The following TNRC6B variants were observed in gnomAD, a reference collection of about 807,000 sequenced individuals.
TNRC6B encodes trinucleotide repeat containing adaptor 6B, also known as trinucleotide repeat-containing gene 6B protein.
TNRC6B carries 52 observed loss-of-function variants against 203.6 expected under a neutral mutation model. That is an observed-to-expected ratio of 0.26 (90% CI 0.20 to 0.32). The LOEUF (loss-of-function observed/expected upper bound fraction) is 0.32. Ranked by LOEUF, TNRC6B falls within the 10% of genes least tolerant of loss-of-function variation. TNRC6B has a pLI of 1.00. For missense variants in TNRC6B, 1,923 were observed against 2,286.2 expected (o/e 0.84, Z 3.24); for synonymous variants, 838 against 845.7 (o/e 0.99, Z 0.16).
intron 3 of TNRC6B, among the ~76,000 whole-genome samples, chr22:40,143,461 A>G (rs182869165): frequency 3.9e-4 from 60 of 151,966 alleles, no homozygotes; most frequent in African/African-American, 1.4e-3. Flanking sequence ...AATATGGAAA[A>G]CTATAGATTG....
At chr22:40,124,039 T>C (rs2068466811) in intron 2 of TNRC6B, among the ~76,000 whole-genome samples, 1 of 152,112 alleles carries the variant, frequency 6.6e-6, no homozygotes, top group Non-Finnish European at 1.5e-5. Flanking sequence ...AGCAAGTGAA[T>C]GGATATCAAT....
chr22:40,205,152 G>A (rs1009195815), intron 1 of TNRC6B, among the ~76,000 whole-genome samples: 1 of 152,218 alleles, frequency 6.6e-6, no homozygotes, highest in South Asian at 2.1e-4. Flanking sequence ...GGAGTGTGCT[G>A]AGTTCCCACC....
intron 1 of TNRC6B, among the ~76,000 whole-genome samples, chr22:40,057,602 G>T (rs1172531963): frequency 6.6e-6 from 1 of 152,094 alleles, no homozygotes. Flanking sequence ...TTTCATAATG[G>T]TGTTTTGGCA....
chr22:40,303,645 CT>C (rs1441314971), intron 15 of TNRC6B, among the ~76,000 whole-genome samples: 2 of 152,140 alleles, frequency 1.3e-5, no homozygotes, highest in Non-Finnish European at 2.9e-5. Context: ...GGCACAGTGG[CT>C]CACACCTGTA....
Position 40,265,075 on chromosome 22 carries a change from G to C in TNRC6B, c.845G>C (p.Gly282Ala). ...NSTTENNNGL[G>A]NWRNVSGQDR... is the part of the protein sequence containing the mutation. Reference sequence around the variant, plus strand: ...ACTACAGAGAACAACAATGGACTAGGAAATTGGAGGAATGTGAGTGGTCAG... The same window carrying C: ...ACTACAGAGAACAACAATGGACTAGCAAATTGGAGGAATGTGAGTGGTCAG... Residue 282 changes from glycine to alanine, a missense_variant, in exon 5 of 23, where the codon GGA (glycine) becomes GCA (alanine). Physicochemically the swap from Gly to Ala is moderately conservative, Grantham distance 60. Coordinates refer to ENST00000454349, the MANE Select transcript of TNRC6B (RefSeq NM_001162501.2). The C allele has an allele frequency of 6.2e-7, 1 of 1,614,000 alleles. No individual in the cohort carries two copies. The highest frequency in any genetic ancestry group is 8.5e-7 in the Non-Finnish European group (1 of 1,179,894).
chr22:40,257,405 G>A (rs1050962691), intron 3 of TNRC6B, among the ~76,000 whole-genome samples: 1 of 152,130 alleles, frequency 6.6e-6, no homozygotes, highest in African/African-American at 2.4e-5. Flanking sequence ...ATTAGAGCAC[G>A]TAAATGGTTC....
At chr22:40,202,728 C>T (rs1430054359) in intron 1 of TNRC6B, among the ~76,000 whole-genome samples, 1 of 152,020 alleles carries the variant, frequency 6.6e-6, no homozygotes, top group East Asian at 1.9e-4. Context: ...CAGAGGAGTC[C>T]ATGTGTCGAG....
intron 1 of TNRC6B, among the ~76,000 whole-genome samples, chr22:40,190,336 T>C (rs886103586): frequency 6.6e-6 from 1 of 152,212 alleles, no homozygotes; most frequent in Non-Finnish European, 1.5e-5. Context: ...TCTAGAATAG[T>C]ACTCAAAACT....
Position 40,265,363 on chromosome 22 carries a change from C to G in TNRC6B, c.1133C>G (p.Thr378Ser), listed in dbSNP as rs368426807. 9.9e-6 allele frequency: 16 copies of G among 1,613,860 alleles called. No individual in the cohort carries two copies. In the African/African-American group the frequency reaches 2.1e-4, roughly 22 times the overall value. Residue 378 changes from threonine (T) to serine (S), a missense_variant, in exon 5 of 23, where the codon ACT becomes AGT. By Grantham distance (58) the Thr-to-Ser change is moderately conservative. Around this residue, in one of 8 missense-constraint regions of TNRC6B, gnomAD observed 614 missense variants for 587.7 expected, o/e 1.04. Transcript: ENST00000454349. The part of the protein sequence containing the change: ...HNTDGPKNGN[T>S]NSLNLSSPNP... ...ACTGATGGACCAAAAAATGGAAACA[C>G]TAACTCCTTGAACTTAAGTTCACCA...
intron 6 of TNRC6B, among the ~76,000 whole-genome samples, chr22:40,271,696 T>G (rs1320097234): frequency 1.3e-5 from 2 of 152,264 alleles, no homozygotes; most frequent in Non-Finnish European, 2.9e-5. Flanking sequence ...TTCATGTGTC[T>G]TTCCCAACCT....
Position 40,246,040 on chromosome 22 carries a change from C to T in TNRC6B, c.31C>T (p.Gln11Ter). MREKEQEREE[Q>*]LMEDKKRKKE... The stretch of plus-strand genomic sequence containing the variant: ...AGAGAAGGAGCAAGAAAGGGAAGAA[C>T]AGTTAATGGAAGACAAGAAAAGGAA... The change falls in exon 2 of 23, where the codon CAG (glutamine) becomes TAG (stop). Residue 11 changes from glutamine (Q) to a stop codon, truncating the protein, a stop_gained. Transcript: ENST00000454349. LOFTEE classifies it high-confidence loss of function. 6.5e-7 allele frequency: 1 copy of T among 1,545,810 alleles called. No individual in the cohort carries two copies. Among genetic ancestry groups the T allele is most frequent in the Non-Finnish European group, 8.7e-7 (1 of 1,143,968 alleles).
intron 1 of TNRC6B, among the ~76,000 whole-genome samples, chr22:40,214,849 C>G (rs955691341): frequency 3.9e-5 from 6 of 152,164 alleles, no homozygotes; most frequent in African/African-American, 1.4e-4. Flanking sequence ...CCACCACACC[C>G]AGCCTTGTGT....
intron 1 of TNRC6B, among the ~76,000 whole-genome samples, chr22:40,184,608 A>C (rs1015921849): frequency 6.6e-6 from 1 of 152,194 alleles, no homozygotes; most frequent in Non-Finnish European, 1.5e-5. Context: ...GTGTTGTGGA[A>C]ACTGGCTGGG....
rs891079345 is a variant in TNRC6B, at chr22:40,201,419, A to ATTTTCT, written c.5+23296_5+23301dup. On this transcript the variant is annotated intron_variant, in intron 1 of 22. Transcript: ENST00000454349. ...GTTGTTTTTATGTGGTGTTTGGTGC[A>ATTTTCT]TTTTCTTTTTCTTTTTCTTTTTTGT... 1.3e-5 allele frequency among the ~76,000 whole-genome samples: 2 copies of ATTTTCT among 150,094 alleles called. 1 individual carries two copies. Among genetic ancestry groups the ATTTTCT allele is most frequent in the Admixed American group, 1.3e-4 (2 of 15,066 alleles).
chr22:40,284,830 G>A (rs550579297), intron 11 of TNRC6B, among the ~76,000 whole-genome samples: 25 of 152,144 alleles, frequency 1.6e-4, no homozygotes, highest in Admixed American at 4.6e-4. Context: ...AGAACACAGT[G>A]TTGCATTATT....
rs200936117 is a variant in TNRC6B at position 40,264,520 on chromosome 22, G to GA, written c.458-160dup. ...TTAACCGGTGTAACACAAGGCAAATGAAAAAAAAGAGATGACTAAGACAGT... is the reference window on the plus strand; with the variant it reads ...TTAACCGGTGTAACACAAGGCAAATGAAAAAAAAAGAGATGACTAAGACAGT... On this transcript the variant is annotated intron_variant, in intron 4 of 22. Coordinates refer to ENST00000454349, the MANE Select transcript of TNRC6B (RefSeq NM_001162501.2). Among the ~76,000 whole-genome samples, 306 of 151,704 alleles carry GA rather than the reference G, an allele frequency of 2.0e-3. 1 individual carries two copies. The highest frequency in any genetic ancestry group is 7.2e-3 in the African/African-American group (296 of 41,390).
chr22:40,046,676 A>T lies in TNRC6B; in HGVS notation c.-121+1678A>T, dbSNP rs1052982588. Among the ~76,000 whole-genome samples, 44 of 139,824 alleles carry T rather than the reference A, an allele frequency of 3.1e-4. 1 individual carries two copies. The highest frequency in any genetic ancestry group is 5.8e-4 in the Non-Finnish European group (38 of 66,026). 91.7% of individuals were successfully genotyped at this position (139,824 alleles called of 152,430 possible). On this transcript the variant is annotated intron_variant, in intron 1 of 23. Transcript: ENST00000301923. ...TTTTTTTTTTTTGAGACAGAGTCTC[A>T]AAGATTGTGCCAGGCTGGAGTGTAG...
chr22:40,160,371 G>A (rs1324149272), intron 4 of TNRC6B, among the ~76,000 whole-genome samples: 1 of 151,710 alleles, frequency 6.6e-6, no homozygotes, highest in Non-Finnish European at 1.5e-5. Flanking sequence ...AGCTACTAGG[G>A]AGGCTGAGGC....
intron 5 of TNRC6B, among the ~76,000 whole-genome samples, 188 bp downstream of exon 5, chr22:40,267,224 T>A (rs2070494498): frequency 6.6e-6 from 1 of 152,254 alleles, no homozygotes; most frequent in South Asian, 2.1e-4. Flanking sequence ...TACATTTTAA[T>A]GTTCTTTCTT....
Sources: gnomAD v4.1 joint callset for allele counts (sites outside exome capture counted in the v4.1 genomes callset) on GRCh38, gnomAD v4.1.1 for gene constraint, gnomAD v4.1.1 regional missense constraint, MANE v1.5 for transcripts, NCBI Gene and HGNC (gene_info 2026-07-23, HGNC 2026-07-21) for gene names.